The following RTL4 variants were observed in gnomAD, a reference collection of about 807,000 sequenced individuals.
RTL4 encodes retrotransposon Gag like 4, also known as retrotransposon Gag-like protein 4.
Under a neutral mutation model 5.3 loss-of-function variants are expected in RTL4, and 4 were observed. The ratio of observed to expected loss-of-function variants is 0.75; its 90% CI spans 0.37 to 1.72. The LOEUF is 1.72. Ranked by LOEUF, RTL4 falls within the 40% of genes most tolerant of loss-of-function variation. The probability of loss-of-function intolerance (pLI) is 0.04; values close to 1 mark genes in which losing one functional copy is unlikely to be tolerated. For synonymous variants in RTL4, 98 were observed against 87.3 expected (o/e 1.12, Z -0.68); for missense variants, 260 against 227.1 (o/e 1.14, Z -0.93).
chrX:112,418,675 G>A, the RTL4 span, among the ~76,000 whole-genome samples: 1 of 110,660 alleles, frequency 9.0e-6, no homozygotes, highest in Non-Finnish European at 1.9e-5. Flanking sequence ...TGTCTGGTCA[G>A]TTCTAGGTGG....
the RTL4 span, among the ~76,000 whole-genome samples, chrX:112,171,209 C>CT: frequency 3.1e-4 from 34 of 110,962 alleles, no homozygotes; most frequent in African/African-American, 1.1e-3. Context: ...CTGAAGTTTT[C>CT]TTTTTTTGAT....
At chrX:112,290,050 A>T in the RTL4 span, among the ~76,000 whole-genome samples, 1 of 111,518 alleles carries the variant, frequency 9.0e-6, no homozygotes, top group African/African-American at 3.3e-5. Flanking sequence ...GACAACATGA[A>T]GTAGCCAAGA....
At chrX:112,457,097 A>G (rs1034383088) in exon 1 of RTL4, 2 of 123,330 alleles carry the variant, frequency 1.6e-5, no homozygotes, top group Admixed American at 1.9e-4. Flanking sequence ...CATATTCCCT[A>G]GCAACCATCA....
the RTL4 span, among the ~76,000 whole-genome samples, chrX:112,447,696 G>A: frequency 7.1e-5 from 8 of 111,953 alleles, no homozygotes; most frequent in East Asian, 2.8e-4. Flanking sequence ...AAAATATTCA[G>A]ATCACATGAA....
chrX:112,119,384 T>C, the RTL4 span, among the ~76,000 whole-genome samples: 4 of 110,206 alleles, frequency 3.6e-5, no homozygotes, highest in South Asian at 1.6e-3. Context: ...GATGGATTTG[T>C]GAGGGAGTAT....
chrX:112,289,626 G>C, the RTL4 span, among the ~76,000 whole-genome samples: 6 of 111,478 alleles, frequency 5.4e-5, no homozygotes, highest in Non-Finnish European at 9.4e-5. Flanking sequence ...ATGTCACCTG[G>C]TTGTTGTGTA....
chrX:112,122,796 ATATC>A, the RTL4 span, among the ~76,000 whole-genome samples: 1 of 111,524 alleles, frequency 9.0e-6, no homozygotes, highest in African/African-American at 3.2e-5. Flanking sequence ...GAAAATTAGT[ATATC>A]TATCAATTTT....
At chrX:112,239,080 A>T in the RTL4 span, among the ~76,000 whole-genome samples, 1 of 111,563 alleles carries the variant, frequency 9.0e-6, no homozygotes, top group Middle Eastern at 4.2e-3. Context: ...GATGGTATTG[A>T]TGGGCAGAGT....
chrX:112,330,706 T>C, the RTL4 span, among the ~76,000 whole-genome samples: 12 of 111,330 alleles, frequency 1.1e-4, no homozygotes, highest in African/African-American at 2.6e-4. Context: ...CAAGTCAATC[T>C]TAAGCCAAAA....
At chrX:112,190,921 A>T in the RTL4 span, among the ~76,000 whole-genome samples, 1 of 111,245 alleles carries the variant, frequency 9.0e-6, no homozygotes, top group Non-Finnish European at 1.9e-5. Context: ...TTCTGGCCAG[A>T]CTCCTGAGCT....
At chrX:112,442,976 A>C in the RTL4 span, among the ~76,000 whole-genome samples, 24,669 of 110,358 alleles carry the variant, frequency 0.22, 2,146 homozygotes, top group Middle Eastern at 0.29. Flanking sequence ...TTACAGTCAC[A>C]CCGTGTGCTA....
the RTL4 span, among the ~76,000 whole-genome samples, chrX:112,190,588 T>C: frequency 1.8e-5 from 2 of 112,296 alleles, no homozygotes; most frequent in African/African-American, 6.5e-5. Flanking sequence ...ATAGTATTTA[T>C]GCCACAGGAG....
the RTL4 span, among the ~76,000 whole-genome samples, chrX:112,217,594 C>T: frequency 4.5e-5 from 5 of 111,601 alleles, no homozygotes; most frequent in Admixed American, 4.8e-4. Context: ...CAGGAGATCA[C>T]ATGAGATTGT....
the RTL4 span, among the ~76,000 whole-genome samples, chrX:112,226,587 T>C: frequency 9.0e-6 from 1 of 111,695 alleles, no homozygotes; most frequent in African/African-American, 3.3e-5. Flanking sequence ...CTCTCTAAGC[T>C]ATAGTTTTCA....
the RTL4 span, among the ~76,000 whole-genome samples, chrX:112,155,452 G>T: frequency 9.0e-6 from 1 of 111,307 alleles, no homozygotes; most frequent in South Asian, 3.8e-4. Context: ...GATAAGCCCT[G>T]TGAATTGGGG....
At chrX:112,331,033 A>C in the RTL4 span, among the ~76,000 whole-genome samples, 1 of 107,956 alleles carries the variant, frequency 9.3e-6, no homozygotes, top group Non-Finnish European at 1.9e-5. Context: ...CTTAAATGTT[A>C]GACCTAAAAC....
At chrX:112,226,379 T>A in the RTL4 span, among the ~76,000 whole-genome samples, 1 of 112,124 alleles carries the variant, frequency 8.9e-6, no homozygotes, top group Admixed American at 9.5e-5. Flanking sequence ...GATGTGTCTT[T>A]TCCCATCACT....
chrX:112,267,627 C>T, the RTL4 span, among the ~76,000 whole-genome samples: 1 of 111,507 alleles, frequency 9.0e-6, no homozygotes, highest in Non-Finnish European at 1.9e-5. Context: ...AGGCCCAAAC[C>T]TTTTCCCTAG....
chrX:112,436,175 C>T, the RTL4 span, among the ~76,000 whole-genome samples: 1 of 110,191 alleles, frequency 9.1e-6, no homozygotes. Flanking sequence ...CGAGATCGTG[C>T]CACTGCACTC....
Sources: gnomAD v4.1 joint callset for allele counts (sites outside exome capture counted in the v4.1 genomes callset) on GRCh38, gnomAD v4.1.1 for gene constraint, MANE v1.5 for transcripts, NCBI Gene and HGNC (gene_info 2026-07-23, HGNC 2026-07-21) for gene names.